UBE2R2: variants seen among roughly 807,000 people sequenced by gnomAD.
UBE2R2 encodes ubiquitin-conjugating enzyme E2 R2.
Under a neutral mutation model 27.8 loss-of-function variants are expected in UBE2R2, and 1 was observed. That is an observed-to-expected ratio of 0.04 (90% CI 0.01 to 0.17). The LOEUF (loss-of-function observed/expected upper bound fraction) is 0.17, where lower values mean the gene tolerates loss of function less well. Ranked by LOEUF, UBE2R2 falls within the 10% of genes least tolerant of loss-of-function variation. UBE2R2 has a pLI of 1.00. For missense variants in UBE2R2, 100 were observed against 291.0 expected, an observed-to-expected ratio of 0.34 and a Z score of 4.78; for synonymous variants, 106 against 113.3, an observed-to-expected ratio of 0.94 and a Z score of 0.41.
At chr9:33,890,992 G>A (rs147097626) in intron 2 of UBE2R2, among the ~76,000 whole-genome samples, 2 of 151,914 alleles carry the variant, frequency 1.3e-5, no homozygotes, top group African/African-American at 4.8e-5. Context: ...TAGAGATCTA[G>A]AGACCCCATC....
intron 1 of UBE2R2, among the ~76,000 whole-genome samples, chr9:33,873,778 G>A (rs928889672): frequency 6.6e-6 from 1 of 151,964 alleles, no homozygotes; most frequent in African/African-American, 2.4e-5. Context: ...AGTGGTCATA[G>A]GCTCAAGCCA....
At chr9:33,834,355 G>A (rs1820566012) in intron 1 of UBE2R2, among the ~76,000 whole-genome samples, 1 of 151,650 alleles carries the variant, frequency 6.6e-6, no homozygotes. Context: ...GGAATTATAG[G>A]CACAAACCAC....
At chr9:33,895,610 G>A (rs1822084661) in intron 2 of UBE2R2, among the ~76,000 whole-genome samples, 1 of 152,078 alleles carries the variant, frequency 6.6e-6, no homozygotes, top group South Asian at 2.1e-4. Context: ...TAAGGATTGT[G>A]TTGAATGAAC....
At chr9:33,875,517 A>C (rs1376082685) in intron 1 of UBE2R2, among the ~76,000 whole-genome samples, 1 of 152,190 alleles carries the variant, frequency 6.6e-6, no homozygotes, top group Non-Finnish European at 1.5e-5. Flanking sequence ...TGAGGTGGGA[A>C]AATCACTTGA....
intron 1 of UBE2R2, among the ~76,000 whole-genome samples, chr9:33,846,351 G>A (rs189386566): frequency 2.0e-5 from 3 of 152,252 alleles, no homozygotes; most frequent in East Asian, 3.9e-4. Context: ...GTTAGGTACT[G>A]TTGTGTGATG....
chr9:33,877,180 ATTTT>A (rs34711764), intron 1 of UBE2R2, among the ~76,000 whole-genome samples: 3 of 114,834 alleles, frequency 2.6e-5, no homozygotes, highest in Non-Finnish European at 3.6e-5. Context: ...TTATGATTGA[ATTTT>A]TTTTTTTTTT....
intron 1 of UBE2R2, among the ~76,000 whole-genome samples, chr9:33,882,377 C>T (rs1821748539): frequency 6.6e-6 from 1 of 152,122 alleles, no homozygotes; most frequent in Non-Finnish European, 1.5e-5. Context: ...ACCTCTCCTG[C>T]CCGGGTTCAA....
upstream of UBE2R2, among the ~76,000 whole-genome samples, chr9:33,817,128 TCCTCCCTCTCTCCCTC>T (rs1347936544): frequency 1.4e-5 from 2 of 145,196 alleles, no homozygotes; most frequent in African/African-American, 2.6e-5. Flanking sequence ...CGTGCGCCCC[TCCTCCCTCTCTCCCTC>T]CCTCCCTCCC....
At chr9:33,821,799 A>G (rs1825985826) in intron 1 of UBE2R2, among the ~76,000 whole-genome samples, 1 of 151,652 alleles carries the variant, frequency 6.6e-6, no homozygotes, top group Admixed American at 6.6e-5. Context: ...TTGTATTTTT[A>G]GTAGAGACAG....
At chr9:33,895,284 C>G (rs1822075967) in intron 2 of UBE2R2, among the ~76,000 whole-genome samples, 1 of 152,132 alleles carries the variant, frequency 6.6e-6, no homozygotes, top group African/African-American at 2.4e-5. Flanking sequence ...CCAGTTGTCC[C>G]ACTACCATTT....
intron 1 of UBE2R2, among the ~76,000 whole-genome samples, chr9:33,876,690 C>T (rs1241547077): frequency 6.6e-6 from 1 of 151,992 alleles, no homozygotes; most frequent in African/African-American, 2.4e-5. Context: ...CCGAGGTGGG[C>T]GGATCACGAG....
Position 33,907,182 on chromosome 9 carries a change from A to G in UBE2R2, c.363-4782A>G, listed in dbSNP as rs374915874. Among the ~76,000 whole-genome samples the G allele has an allele frequency of 3.3e-5, 5 of 152,318 alleles. No individual in the cohort carries two copies. The East Asian group carries it at 9.6e-4, about 29-fold the overall frequency. On this transcript the variant is annotated intron_variant, in intron 3 of 4. Transcript: ENST00000263228. ...AAACTTATTTTTTATTCAGAACAAG[A>G]TAGCTAAATAACCTCTGACCAAAGA...
intron 1 of UBE2R2, among the ~76,000 whole-genome samples, chr9:33,873,187 A>C (rs1251579576): frequency 2.0e-5 from 3 of 151,740 alleles, no homozygotes; most frequent in Non-Finnish European, 4.4e-5. Flanking sequence ...AAAAAAAAAA[A>C]AAAAAAAAAA....
At chr9:33,887,764 G>A (rs1363087063) in intron 2 of UBE2R2, among the ~76,000 whole-genome samples, 1 of 152,168 alleles carries the variant, frequency 6.6e-6, no homozygotes, top group East Asian at 1.9e-4. Context: ...TCTGCTTTCC[G>A]GCTCCCAGTT....
intron 4 of UBE2R2, among the ~76,000 whole-genome samples, chr9:33,914,518 G>A (rs1052342307): frequency 6.6e-6 from 1 of 152,116 alleles, no homozygotes; most frequent in Non-Finnish European, 1.5e-5. Context: ...GGAGGGAAGA[G>A]GTGATGCTAT....
chr9:33,852,005 AG>A (rs775644535), intron 1 of UBE2R2, among the ~76,000 whole-genome samples: 5 of 152,162 alleles, frequency 3.3e-5, no homozygotes, highest in Non-Finnish European at 7.4e-5. Flanking sequence ...GTAATGAGAT[AG>A]GTGGGGTTCA....
At position 33,917,265 on chromosome 9, in the gene UBE2R2, C is replaced by T; in HGVS notation, c.*28C>T. On this transcript the variant is annotated 3_prime_UTR_variant, in exon 5 of 5. Coordinates refer to ENST00000263228, the MANE Select transcript of UBE2R2 (RefSeq NM_017811.4). The stretch of plus-strand genomic sequence containing the variant: ...TGCTCCTTCAGTGCCCCTGTACTGC[C>T]CTGCCATCTCAGGCCAAAGGGAGGG... 1 of 1,611,144 alleles carries T rather than the reference C, an allele frequency of 6.2e-7. No individual in the cohort carries two copies. The highest frequency in any genetic ancestry group is 8.5e-7 in the Non-Finnish European group (1 of 1,178,666).
intron 2 of UBE2R2, among the ~76,000 whole-genome samples, chr9:33,890,909 T>C (rs999612681): frequency 5.3e-5 from 8 of 152,152 alleles, no homozygotes; most frequent in African/African-American, 1.9e-4. Context: ...CACGTGACTA[T>C]TAACCTTCAT....
chr9:33,885,296 A>G (rs1248162770), intron 1 of UBE2R2, among the ~76,000 whole-genome samples: 2 of 152,226 alleles, frequency 1.3e-5, no homozygotes, highest in Non-Finnish European at 2.9e-5. Flanking sequence ...AGAGCTTTTC[A>G]GAACCATAAT....
Sources: allele counts gnomAD v4.1 joint callset (sites outside exome capture counted in the v4.1 genomes callset), GRCh38; gene constraint gnomAD v4.1.1; transcripts MANE v1.5; gene names NCBI Gene and HGNC (gene_info 2026-07-23, HGNC 2026-07-21).